Variants in IL1RAPL1 observed in about 807,000 individuals in gnomAD.
IL1RAPL1 encodes the protein interleukin-1 receptor accessory protein-like 1.
A neutral mutation model predicts 48.4 loss-of-function variants in IL1RAPL1; 3 were observed. The observed-to-expected ratio is 0.06, with a 90% CI of 0.03 to 0.16. The LOEUF is 0.16. IL1RAPL1 is among the 10% of genes least tolerant of loss of function. The pLI, the probability that IL1RAPL1 is intolerant of heterozygous loss-of-function variation, is 1.00. For missense variants in IL1RAPL1, 349 were observed against 530.6 expected (o/e 0.66, Z 3.36); for synonymous variants, 185 against 187.7 (o/e 0.99, Z 0.12).
chrX:28,943,917 C>T (rs748097271), intron 2 of IL1RAPL1, among the ~76,000 whole-genome samples: 2 of 110,926 alleles, frequency 1.8e-5, no homozygotes, highest in African/African-American at 6.5e-5. Context: ...ATTTGTAAAT[C>T]TACTTTTGTG....
chrX:29,731,828 A>G (rs1451019153), intron 6 of IL1RAPL1, among the ~76,000 whole-genome samples: 2 of 112,224 alleles, frequency 1.8e-5, no homozygotes, highest in African/African-American at 6.5e-5. Flanking sequence ...TTAAGACAGC[A>G]AGGGCTGAGG....
intron 2 of IL1RAPL1, among the ~76,000 whole-genome samples, chrX:28,849,629 G>T (rs190206867): frequency 8.9e-6 from 1 of 112,034 alleles, no homozygotes; most frequent in East Asian, 2.8e-4. Flanking sequence ...AACTTGGATT[G>T]TGTCTTACCA....
At chrX:29,912,988 A>C (rs1718290640) in intron 6 of IL1RAPL1, among the ~76,000 whole-genome samples, 1 of 111,846 alleles carries the variant, frequency 8.9e-6, no homozygotes, top group Admixed American at 9.6e-5. Context: ...ATAGTCCTTC[A>C]TTCCCACTTT....
intron 2 of IL1RAPL1, among the ~76,000 whole-genome samples, chrX:29,195,114 C>A (rs1439496256): frequency 9.0e-6 from 1 of 111,601 alleles, no homozygotes; most frequent in Non-Finnish European, 1.9e-5. Flanking sequence ...ACACTCTCAA[C>A]TTCATTTTCC....
At chrX:28,956,702 A>G (rs1341472139) in intron 2 of IL1RAPL1, among the ~76,000 whole-genome samples, 2 of 108,596 alleles carry the variant, frequency 1.8e-5, no homozygotes, top group African/African-American at 6.7e-5. Context: ...ATGTTCATCA[A>G]GGATATTGGT....
intron 2 of IL1RAPL1, among the ~76,000 whole-genome samples, chrX:29,098,145 G>A (rs1024308464): frequency 8.9e-6 from 1 of 111,951 alleles, no homozygotes; most frequent in Non-Finnish European, 1.9e-5. Context: ...TGAGGGTTAT[G>A]TCTACAGTTC....
intron 5 of IL1RAPL1, among the ~76,000 whole-genome samples, chrX:29,540,994 A>G (rs1197570212): frequency 8.9e-6 from 1 of 112,146 alleles, no homozygotes; most frequent in Non-Finnish European, 1.9e-5. Flanking sequence ...GTAAACAGAC[A>G]ACCTACAGAA....
intron 1 of IL1RAPL1, among the ~76,000 whole-genome samples, chrX:28,736,129 G>T (rs1239287899): frequency 9.0e-6 from 1 of 111,383 alleles, no homozygotes; most frequent in Admixed American, 9.6e-5. Context: ...TACAATCCTT[G>T]TTCATTAAAA....
At chrX:29,955,073 AT>A in intron 10 of IL1RAPL1, 28 bp from the exon 11 acceptor site, 5 of 1,163,043 alleles carry the variant, frequency 4.3e-6, no homozygotes, top group Non-Finnish European at 5.9e-6. Context: ...CCATTCACTC[AT>A]TTTGATGCAC....
At chrX:29,213,019 A>G (rs1210727844) in intron 2 of IL1RAPL1, among the ~76,000 whole-genome samples, 1 of 110,490 alleles carries the variant, frequency 9.1e-6, no homozygotes, top group Non-Finnish European at 1.9e-5. Flanking sequence ...TTTTTTTGAC[A>G]TGGAGTTTTG....
At chrX:28,739,595 G>C (rs1402962239) in intron 1 of IL1RAPL1, among the ~76,000 whole-genome samples, 1 of 111,770 alleles carries the variant, frequency 8.9e-6, no homozygotes, top group Non-Finnish European at 1.9e-5. Flanking sequence ...TAATAGAGTA[G>C]AAGAGACAGG....
intron 6 of IL1RAPL1, among the ~76,000 whole-genome samples, chrX:29,710,076 G>A (rs186986495): frequency 1.8e-5 from 2 of 111,316 alleles, no homozygotes; most frequent in East Asian, 5.6e-4. Flanking sequence ...TTTCTTTAAG[G>A]TTTTCCATAT....
chrX:29,907,500 C>CTAA (rs999979442), intron 6 of IL1RAPL1, among the ~76,000 whole-genome samples: 6 of 111,118 alleles, frequency 5.4e-5, no homozygotes, highest in Admixed American at 1.9e-4. Flanking sequence ...TTATATGAAA[C>CTAA]TAATTTTTGT....
chrX:29,222,034 A>AAAAG (rs3065742), intron 2 of IL1RAPL1, among the ~76,000 whole-genome samples: 3 of 107,421 alleles, frequency 2.8e-5, no homozygotes, highest in Non-Finnish European at 3.9e-5. Flanking sequence ...AAAAAAAAAA[A>AAAAG]CCTGCACATG....
At chrX:28,824,747 C>T (rs1366455281) in intron 2 of IL1RAPL1, among the ~76,000 whole-genome samples, 1 of 111,587 alleles carries the variant, frequency 9.0e-6, no homozygotes, top group Non-Finnish European at 1.9e-5. Flanking sequence ...AAGAATTCAC[C>T]TGCCAGCCAA....
At chrX:28,668,270 C>CT (rs2146912820) in intron 1 of IL1RAPL1, among the ~76,000 whole-genome samples, 1 of 107,737 alleles carries the variant, frequency 9.3e-6, no homozygotes, top group South Asian at 4.0e-4. Context: ...TTTTTTTTTT[C>CT]TTTTTTGAGA....
At chrX:28,604,220 CT>C (rs990248545) in intron 1 of IL1RAPL1, among the ~76,000 whole-genome samples, 1 of 111,306 alleles carries the variant, frequency 9.0e-6, no homozygotes, top group Non-Finnish European at 1.9e-5. Context: ...ATTTTTATCT[CT>C]TTCATAGTAT....
chrX:28,831,026 C>CTCTCTGTGTG (rs1438889606), intron 2 of IL1RAPL1, among the ~76,000 whole-genome samples: 37 of 33,642 alleles, frequency 1.1e-3, no homozygotes, highest in Non-Finnish European at 1.4e-3. Flanking sequence ...CTCTCTCTCT[C>CTCTCTGTGTG]TGTGTGTGTG....
chrX:29,006,441 A>C (rs187740482), intron 2 of IL1RAPL1, among the ~76,000 whole-genome samples: 2 of 108,039 alleles, frequency 1.9e-5, no homozygotes, highest in Non-Finnish European at 3.8e-5. Flanking sequence ...CTGAACCTGT[A>C]AGAGAGAGGT....
Sources: allele counts gnomAD v4.1 joint callset (sites outside exome capture counted in the v4.1 genomes callset), GRCh38; gene constraint gnomAD v4.1.1; transcripts MANE v1.5; gene names NCBI Gene and HGNC (gene_info 2026-07-23, HGNC 2026-07-21).